The following SMAD4 variants were observed in gnomAD, a reference collection of about 807,000 sequenced individuals.
The protein encoded by SMAD4 is MAD homolog 4.
Under a neutral mutation model 63.2 loss-of-function variants are expected in SMAD4, and 7 were observed. That is an observed-to-expected ratio of 0.11 (90% confidence interval 0.06 to 0.21). The LOEUF is 0.21. Ranked by LOEUF, SMAD4 falls within the 10% of genes least tolerant of loss-of-function variation. The probability of loss-of-function intolerance (pLI) is 1.00; values close to 1 mark genes in which losing one functional copy is unlikely to be tolerated. For synonymous variants in SMAD4, 215 were observed against 235.4 expected (o/e 0.91, Z 0.79); for missense variants, 312 against 693.8 (o/e 0.45, Z 6.18).
chr18:51,080,000 A>G lies in SMAD4; in HGVS notation c.*1533A>G. ...TTTTTAATTTTTATTTTACTATAGC[A>G]GAAATAGACCTGATTATCTACAAGA... is the stretch of plus-strand genomic sequence containing the variant. On this transcript the variant is annotated 3_prime_UTR_variant, in exon 12 of 12. Coordinates refer to ENST00000342988, the MANE Select transcript of SMAD4 (RefSeq NM_005359.6). 2 of 231,424 alleles carry G rather than the reference A, an allele frequency of 8.6e-6. No homozygotes were observed. Among genetic ancestry groups the G allele is most frequent in the African/African-American group, 2.2e-5 (1 of 45,272 alleles). 14.3% of individuals were successfully genotyped at this position (231,424 alleles called of 1,614,324 possible).
chr18:51,046,080 T>C (rs770400297), intron 1 of SMAD4, among the ~76,000 whole-genome samples: 2 of 152,206 alleles, frequency 1.3e-5, no homozygotes, highest in African/African-American at 2.4e-5. Flanking sequence ...TGAACATTCA[T>C]GTACAGGTTT....
chr18:51,065,683 C>T (rs2144448483), intron 9 of SMAD4, 77 bp downstream of exon 9: 1 of 1,179,106 alleles, frequency 8.5e-7, no homozygotes, highest in South Asian at 1.3e-5. Context: ...GTTATGTTTT[C>T]CCATGTACAT....
At chr18:51,044,610 C>G (rs376077921) in intron 1 of SMAD4, among the ~76,000 whole-genome samples, 1 of 152,144 alleles carries the variant, frequency 6.6e-6, no homozygotes, top group African/African-American at 2.4e-5. Context: ...CCAGGCTGGT[C>G]TCAAACTCCT....
intron 1 of SMAD4, among the ~76,000 whole-genome samples, chr18:51,037,251 A>G (rs1909235436): frequency 6.6e-6 from 1 of 152,242 alleles, no homozygotes. Flanking sequence ...TTTGGTTTCC[A>G]CCATCTTTTA....
In SMAD4 at chr18:51,084,224, T is replaced by C. The variant is rs1002131209; in HGVS notation, c.*5757T>C. 8.7e-6 allele frequency: 2 copies of C among 229,798 alleles called. No individual in the cohort carries two copies. The highest frequency in any genetic ancestry group is 2.2e-5 in the African/African-American group (1 of 45,104). 14.2% of individuals were successfully genotyped at this position (229,798 alleles called of 1,614,324 possible). ...TGGTGTGTGCTTGTAATTTTTTTTT[T>C]CAGTGAAAATGGATTGAAAACCTGT... is the stretch of plus-strand genomic sequence containing the variant. On this transcript the variant is annotated 3_prime_UTR_variant, in exon 12 of 12. Transcript: ENST00000342988.
chr18:51,071,342 A>G (rs1408775824), intron 10 of SMAD4, among the ~76,000 whole-genome samples: 2 of 152,140 alleles, frequency 1.3e-5, no homozygotes, highest in Non-Finnish European at 2.9e-5. Context: ...TTGGAGAGCC[A>G]TAATTTCATT....
chr18:51,032,897 C>T (rs1033553267), intron 1 of SMAD4, among the ~76,000 whole-genome samples: 3 of 152,162 alleles, frequency 2.0e-5, no homozygotes, highest in Admixed American at 2.0e-4. Context: ...TTTTGTCCCT[C>T]TCTAGTTCAT....
chr18:51,061,225 CTGTT>C (rs1284131945), intron 8 of SMAD4, among the ~76,000 whole-genome samples: 4 of 152,156 alleles, frequency 2.6e-5, no homozygotes, highest in Non-Finnish European at 5.9e-5. Context: ...AATCTATACT[CTGTT>C]AGTTATTTTA....
chr18:51,039,714 CCTATAGTA>C (rs919317944), intron 1 of SMAD4, among the ~76,000 whole-genome samples: 54 of 152,106 alleles, frequency 3.6e-4, no homozygotes, highest in Admixed American at 8.5e-4. Context: ...CTGATGTCCA[CCTATAGTA>C]CTTTGTTATT....
chr18:51,074,263 C>A (rs1320186938), intron 10 of SMAD4, among the ~76,000 whole-genome samples: 2 of 151,416 alleles, frequency 1.3e-5, no homozygotes, highest in Admixed American at 1.3e-4. Context: ...TGCCTGTAGT[C>A]CTGGCTAGTT....
chr18:51,048,396 G>A lies in SMAD4; in HGVS notation c.250-290G>A, dbSNP rs369894340. On this transcript the variant is annotated intron_variant, in intron 2 of 11. Coordinates refer to ENST00000342988, the MANE Select transcript of SMAD4 (RefSeq NM_005359.6). ...TGGTCTTGAACTCCTGGGCTCAAGC[G>A]ATCCTCCTGCCTTGGCCTCCCAAAG... 2.0e-3 allele frequency among the ~76,000 whole-genome samples: 303 copies of A among 152,250 alleles called. 1 individual carries two copies. The highest frequency in any genetic ancestry group is 0.014 in the Middle Eastern group (4 of 294).
At chr18:51,062,231 G>A in intron 8 of SMAD4, among the ~76,000 whole-genome samples, 1 of 152,126 alleles carries the variant, frequency 6.6e-6, no homozygotes, top group East Asian at 1.9e-4. Context: ...AGGTCAAGGG[G>A]TCTAGCCTTT....
Position 51,058,220 on chromosome 18 carries a change from G to T in SMAD4, c.763G>T (p.Gly255Cys), listed in dbSNP as rs1555685930. The stretch of plus-strand genomic sequence containing the variant: ...AGGACAGCAGCAGAATGGATTTACT[G>T]GTCAGCCAGCTACTTACCATCATAG... Reference protein sequence around the residue: ...QPGQQQNGFTGQPATYHHNST... With the variant: ...QPGQQQNGFTCQPATYHHNST... The change falls in exon 6 of 12, where the codon GGT becomes TGT. Residue 255 changes from glycine to cysteine, a missense_variant. By Grantham distance (159) the Gly-to-Cys change is radical (BLOSUM62 -3). Transcript: ENST00000342988. The T allele has an allele frequency of 1.2e-6, 2 of 1,614,146 alleles. No individual in the cohort carries two copies. Among genetic ancestry groups the T allele is most frequent in the Non-Finnish European group, 1.7e-6 (2 of 1,180,012 alleles).
At chr18:51,044,955 T>TA (rs1909496317) in intron 1 of SMAD4, 1 of 152,206 alleles carries the variant, frequency 6.6e-6, no homozygotes, top group Non-Finnish European at 1.5e-5. Flanking sequence ...CTCTAAGACA[T>TA]ATGAAAAACT....
intron 4 of SMAD4, chr18:51,053,082 T>G (rs1419056927): frequency 2.0e-5 from 3 of 152,246 alleles, no homozygotes; most frequent in Non-Finnish European, 4.4e-5. Flanking sequence ...CAAGAAAGAT[T>G]TATGGGTCAT....
intron 8 of SMAD4, among the ~76,000 whole-genome samples, chr18:51,061,027 C>G (rs1394895098): frequency 6.6e-6 from 1 of 152,000 alleles, no homozygotes; most frequent in East Asian, 1.9e-4. Context: ...ACGTGAGCCA[C>G]CACACCAAGC....
chr18:51,032,362 G>A (rs1198670011), intron 1 of SMAD4, among the ~76,000 whole-genome samples: 2 of 152,104 alleles, frequency 1.3e-5, no homozygotes, highest in African/African-American at 4.8e-5. Context: ...AAACCAAACT[G>A]CAAATCTGTT....
chr18:51,062,252 T>C (rs1385795765), intron 8 of SMAD4, among the ~76,000 whole-genome samples: 1 of 152,216 alleles, frequency 6.6e-6, no homozygotes, highest in African/African-American at 2.4e-5. Flanking sequence ...TCATAAACTT[T>C]CTTTTTTTGA....
chr18:51,075,223 T>C (rs1910442518), intron 10 of SMAD4, among the ~76,000 whole-genome samples: 1 of 152,220 alleles, frequency 6.6e-6, no homozygotes, highest in Admixed American at 6.5e-5. Flanking sequence ...GTGTATGTTA[T>C]TGTATGTTTT....
Sources: allele counts gnomAD v4.1 joint callset (sites outside exome capture counted in the v4.1 genomes callset), GRCh38; gene constraint gnomAD v4.1.1; transcripts MANE v1.5; gene names NCBI Gene and HGNC (gene_info 2026-07-23, HGNC 2026-07-21).